The following ARHGAP27 variants were observed in gnomAD, a reference collection of about 807,000 sequenced individuals.
ARHGAP27 encodes the protein rho GTPase-activating protein 27.
A neutral mutation model predicts 102.0 loss-of-function variants in ARHGAP27; 53 were observed. The observed-to-expected ratio is 0.52, with a 90% CI of 0.42 to 0.65. The LOEUF is 0.65. Among genes scored for constraint, ARHGAP27 ranks in the 30% least tolerant of loss-of-function variants. The pLI, the probability that ARHGAP27 is intolerant of heterozygous loss-of-function variation, is 0.00. For synonymous variants in ARHGAP27, 525 were observed against 542.8 expected, an observed-to-expected ratio of 0.97 and a Z score of 0.46; for missense variants, 1,117 against 1,256.2, an observed-to-expected ratio of 0.89 and a Z score of 1.68.
Position 45,429,692 on chromosome 17 carries a change from G to A in ARHGAP27, c.588C>T (p.Ser196=). 6.4e-7 allele frequency: 1 copy of A among 1,565,970 alleles called. No homozygotes were observed. The highest frequency in any genetic ancestry group is 2.4e-5 in the East Asian group (1 of 42,132). ...TGACCTCGTAGACGTTCTCTGAGTC[G>A]CTGCGCGCCAGAGGCCGCGGGCACA... ...SWVCPRPLAR[S]DSENVYEVIQ... The change falls in exon 4 of 20, where the codon AGC becomes AGT. Residue 196 remains serine, a synonymous_variant. Coordinates refer to ENST00000685559, the MANE Select transcript of ARHGAP27 (RefSeq NM_001282290.2).
intron 4 of ARHGAP27, among the ~76,000 whole-genome samples, chr17:45,423,208 G>A (rs1000596159): frequency 6.6e-6 from 1 of 151,968 alleles, no homozygotes; most frequent in Non-Finnish European, 1.5e-5. Flanking sequence ...AAGAAAATAC[G>A]CATTTTTCTT....
At chr17:45,407,149 C>T (rs1193604489) in intron 4 of ARHGAP27, among the ~76,000 whole-genome samples, 1 of 152,180 alleles carries the variant, frequency 6.6e-6, no homozygotes, top group Non-Finnish European at 1.5e-5. Flanking sequence ...CCGGCCTGTG[C>T]TTCCACTATT....
chr17:45,405,168 C>T (rs2046982542), intron 5 of ARHGAP27, 62 bp from the exon 6 acceptor site: 1 of 1,497,680 alleles, frequency 6.7e-7, no homozygotes, highest in African/African-American at 1.4e-5. Context: ...CTGGCCCTGC[C>T]GTTTTGGACC....
Position 45,402,697 on chromosome 17 carries a change from C to T in ARHGAP27, c.1743+17G>A, listed in dbSNP as rs1474620328. ...CACTAAGCCCCTTCCCTCCTTCTCC[C>T]CAACCCCGCCACTCACCTCCAGCAC... On this transcript the variant is annotated intron_variant, in intron 12 of 19. Transcript: ENST00000685559. 1 of 1,597,758 alleles carries T rather than the reference C, an allele frequency of 6.3e-7. No homozygotes were observed. Among genetic ancestry groups the T allele is most frequent in the East Asian group, 2.2e-5 (1 of 44,680 alleles).
At chr17:45,422,669 T>C (rs896265313) in intron 4 of ARHGAP27, among the ~76,000 whole-genome samples, 1 of 152,088 alleles carries the variant, frequency 6.6e-6, no homozygotes, top group Non-Finnish European at 1.5e-5. Flanking sequence ...CCTGACAGCG[T>C]CGTAGTTAAA....
intron 3 of ARHGAP27, among the ~76,000 whole-genome samples, chr17:45,431,381 G>T (rs1343947867): frequency 1.3e-5 from 2 of 152,346 alleles, no homozygotes; most frequent in African/African-American, 2.4e-5. Context: ...AGGTGGCCCG[G>T]ACCCGGGGCC....
At chr17:45,403,097 C>T (rs1175997935) in intron 11 of ARHGAP27, among the ~76,000 whole-genome samples, 1 of 152,246 alleles carries the variant, frequency 6.6e-6, no homozygotes, top group African/African-American at 2.4e-5. Flanking sequence ...CCTCCCTGCC[C>T]TCCAGGCTGG....
Position 45,396,069 on chromosome 17 carries a change from A to G in ARHGAP27, c.2300T>C (p.Ile767Thr). ...DDGRWEDVHV[I>T]TGALKLFFRE... ...AAAGAAGAGCTTCAGGGCTCCGGTG[A>G]TAACGTGGACGTCCTCCCAGCGCCC... The change falls in exon 18 of 20, where the codon ATC (isoleucine) becomes ACC (threonine). Residue 767 changes from isoleucine to threonine, a missense_variant. By Grantham distance (89) the Ile-to-Thr change is moderately conservative. Coordinates refer to ENST00000685559, the MANE Select transcript of ARHGAP27 (RefSeq NM_001282290.2). The G allele has an allele frequency of 6.2e-7, 1 of 1,613,952 alleles. No homozygotes were observed. Among genetic ancestry groups the G allele is most frequent in the Non-Finnish European group, 8.5e-7 (1 of 1,179,910 alleles).
chr17:45,426,857 G>T (rs1361826880), intron 4 of ARHGAP27, among the ~76,000 whole-genome samples: 2 of 152,176 alleles, frequency 1.3e-5, no homozygotes, highest in African/African-American at 4.8e-5. Flanking sequence ...TGAGCGTCTA[G>T]TGGTCACTTA....
chr17:45,410,388 A>C (rs959914170), intron 4 of ARHGAP27: 2 of 1,356,292 alleles, frequency 1.5e-6, no homozygotes, highest in Non-Finnish European at 1.9e-6. Flanking sequence ...CAGGGAAACA[A>C]GAAGTTGCCG....
Position 45,396,532 on chromosome 17 carries a change from C to T in ARHGAP27, c.2128G>A (p.Val710Met). The change falls in exon 16 of 20, where the codon GTG (valine) becomes ATG (methionine). Residue 710 changes from valine to methionine, a missense_variant. Transcript: ENST00000685559. ...ATGCACTGCTGCACGAAGCGTGGCA[C>T]CCGGCTCCTCTCGCGCTCACACAGC... ...AALCERERSR[V>M]PRFVQQCIRA... 6.3e-7 allele frequency: 1 copy of T among 1,586,370 alleles called. No individual in the cohort carries two copies. Among genetic ancestry groups the T allele is most frequent in the Non-Finnish European group, 8.5e-7 (1 of 1,171,672 alleles).
In ARHGAP27 at chr17:45,395,271, A is replaced by C; in HGVS notation, c.*185T>G. The C allele has an allele frequency of 1.5e-6, 1 of 670,296 alleles. No individual in the cohort carries two copies. Among genetic ancestry groups the C allele is most frequent in the Non-Finnish European group, 2.4e-6 (1 of 409,304 alleles). The allele number at this position is 670,296 out of a possible 1,614,324, so 41.5% of individuals were successfully genotyped here. ...GGGGATGGGGAGTTGGGAAGAAGGA[A>C]TCACATTTTGCAAACTGCCCACTAG... On this transcript the variant is annotated 3_prime_UTR_variant, in exon 20 of 20. Transcript: ENST00000685559.
chr17:45,424,240 C>T (rs1030837785), intron 4 of ARHGAP27, among the ~76,000 whole-genome samples: 5 of 152,240 alleles, frequency 3.3e-5, no homozygotes, highest in African/African-American at 1.2e-4. Context: ...GAAGTTCCCT[C>T]AACACCAGAA....
At chr17:45,396,322 T>G in intron 16 of ARHGAP27, 38 bp from the exon 17 acceptor site, 1 of 1,579,842 alleles carries the variant, frequency 6.3e-7, no homozygotes, top group Non-Finnish European at 8.6e-7. Flanking sequence ...GGTTCAGGGA[T>G]GGGGATAGGG....
intron 4 of ARHGAP27, among the ~76,000 whole-genome samples, chr17:45,419,508 GTATGTATATATATATATATATATA>G (rs1260852388): frequency 2.3e-5 from 2 of 86,414 alleles, no homozygotes; most frequent in African/African-American, 9.4e-5. Flanking sequence ...GACTTATGCT[GTATGTATATATATATATATATATA>G]TATATATATA....
At position 45,430,402 on chromosome 17, in the gene ARHGAP27, C is replaced by T; in HGVS notation, c.-18-105G>A. 1 of 1,443,832 alleles carries T rather than the reference C, an allele frequency of 6.9e-7. No homozygotes were observed. Among genetic ancestry groups the T allele is most frequent in the Non-Finnish European group, 9.1e-7 (1 of 1,103,536 alleles). 89.4% of individuals were successfully genotyped at this position (1,443,832 alleles called of 1,614,324 possible). The stretch of plus-strand genomic sequence containing the variant: ...GTTCGAGTCCCGATCCTGCACTCGC[C>T]GTTCGCCTTCGGGCCTCAGTTTTCC... On this transcript the variant is annotated intron_variant, in intron 3 of 19. Coordinates refer to ENST00000685559, the MANE Select transcript of ARHGAP27 (RefSeq NM_001282290.2). This position sits in a 1 kb window ranked among gnomAD's most constrained non-coding sequence, Gnocchi z 4.4.
rs17630935 is a variant in ARHGAP27, at chr17:45,402,732, A to G, written c.1725T>C (p.Ser575=). The G allele has an allele frequency of 1.9e-6, 3 of 1,611,898 alleles. No homozygotes were observed. The highest frequency in any genetic ancestry group is 2.5e-6 in the Non-Finnish European group (3 of 1,178,504). The change falls in exon 12 of 20, where the codon AGT becomes AGC. Residue 575 remains serine (S), a synonymous_variant. Transcript: ENST00000685559. ...CACTCACCTCCAGCACATTCTTCCT[A>G]CTGGATTTGTCTTTGGGGGCCCAGG... The part of the protein sequence containing the change: ...TLSWAPKDKS[S]RKNVLELRSR...
At position 45,429,933 on chromosome 17, in the gene ARHGAP27, C is replaced by T; in HGVS notation, c.347G>A (p.Arg116Gln). 1 of 1,135,158 alleles carries T rather than the reference C, an allele frequency of 8.8e-7. No individual in the cohort carries two copies. The highest frequency in any genetic ancestry group is 1.7e-5 in the African/African-American group (1 of 59,586). The allele number at this position is 1,135,158 out of a possible 1,614,324, so 70.3% of individuals were successfully genotyped here. A position where few individuals can be genotyped will look rare whatever the true frequency, so the allele number is the denominator to read the frequency against. ...CGCAGGGCCGCACAGGGAGCTGGCT[C>T]GGCCTCCGGACTCCTCGGGGGCGCC... Reference protein sequence around the residue: ...PDGAPEESGGRASSLCGPAQR... With the variant: ...PDGAPEESGGQASSLCGPAQR... Residue 116 changes from arginine to glutamine, a missense_variant, in exon 4 of 20, where the codon CGA becomes CAA. By Grantham distance (43) the Arg-to-Gln change is conservative (BLOSUM62 1). This residue lies in a region of ARHGAP27 where 610 missense variants were observed against 716.4 expected (regional missense o/e 0.85). Transcript: ENST00000685559.
In ARHGAP27 at chr17:45,394,275, G is replaced by C. The variant is rs2045352508; in HGVS notation, c.*1181C>G. On this transcript the variant is annotated 3_prime_UTR_variant, in exon 20 of 20. Transcript: ENST00000685559. ...TGGGGCTGGGGGCCAAGAGCCACAA[G>C]CTGAGGTGGCTTGTGTCTGAGGAGG... 6.6e-6 allele frequency: 1 copy of C among 152,290 alleles called. No homozygotes were observed. The highest frequency in any genetic ancestry group is 2.1e-4 in the South Asian group (1 of 4,836). The allele number at this position is 152,290 out of a possible 1,614,324, so 9.4% of individuals were successfully genotyped here.
Sources: allele counts gnomAD v4.1 joint callset (sites outside exome capture counted in the v4.1 genomes callset), GRCh38; gene constraint gnomAD v4.1.1; regional missense constraint gnomAD v4.1.1; non-coding constraint Gnocchi (gnomAD v3.1); transcripts MANE v1.5; gene names NCBI Gene and HGNC (gene_info 2026-07-23, HGNC 2026-07-21).